PDE3B: variants seen among roughly 807,000 people sequenced by gnomAD.
PDE3B encodes the protein phosphodiesterase 3B.
PDE3B carries 66 observed loss-of-function variants against 116.8 expected under a neutral mutation model. That is an observed-to-expected ratio of 0.56 (90% confidence interval 0.46 to 0.69). PDE3B has a LOEUF of 0.69. Ranked by LOEUF, PDE3B falls within the 30% of genes least tolerant of loss-of-function variation. The pLI is 0.00. For synonymous variants in PDE3B, 595 were observed against 533.6 expected (o/e 1.12, Z -1.59); for missense variants, 1,384 against 1,368.1 (o/e 1.01, Z -0.18).
chr11:14,774,822 C>A (rs1017988532), intron 2 of PDE3B: 32 of 152,240 alleles, frequency 2.1e-4, no homozygotes, highest in African/African-American at 7.0e-4. Context: ...AAAGAACTTA[C>A]ACAACATGGT....
intron 10 of PDE3B, among the ~76,000 whole-genome samples, chr11:14,834,675 C>T (rs1859998250): frequency 1.3e-5 from 2 of 152,162 alleles, no homozygotes; most frequent in Admixed American, 1.3e-4. Flanking sequence ...CTCTGTAATC[C>T]AGACACTACA....
Position 14,648,306 on chromosome 11 carries a change from C to T in PDE3B, c.978+3253C>T, listed in dbSNP as rs375495580. On this transcript the variant is annotated intron_variant, in intron 1 of 15. Transcript: ENST00000282096. ...TGGTTAGGTAAATATTTAAAAATTC[C>T]GTGGCCCTAATGCCCATAAATATTA... 2.8e-4 allele frequency among the ~76,000 whole-genome samples: 43 copies of T among 151,996 alleles called. No individual in the cohort carries two copies. The East Asian group carries it at 7.7e-3, about 27-fold the overall frequency.
At chr11:14,845,806 A>G (rs1000784416) in intron 12 of PDE3B, among the ~76,000 whole-genome samples, 2 of 152,212 alleles carry the variant, frequency 1.3e-5, no homozygotes, top group Non-Finnish European at 2.9e-5. Flanking sequence ...ATAAAAAGAA[A>G]CAAACAAAGC....
chr11:14,663,698 T>C (rs924410600), intron 1 of PDE3B, among the ~76,000 whole-genome samples: 1 of 152,100 alleles, frequency 6.6e-6, no homozygotes, highest in Non-Finnish European at 1.5e-5. Context: ...GGTAAAGGGA[T>C]CAATTCAACA....
rs149467475 is a variant in PDE3B, at chr11:14,737,127, G to A, written c.979-34810G>A. 4.5e-3 allele frequency among the ~76,000 whole-genome samples: 687 copies of A among 151,352 alleles called. 3 individuals carry two copies. Among genetic ancestry groups the A allele is most frequent in the African/African-American group, 0.015 (611 of 41,366 alleles). Reference sequence around the variant, plus strand: ...TTTACATTTGTAAAACATTTAGAACGAAATGTGATACATAAAAAGCACAAT... The same window carrying A: ...TTTACATTTGTAAAACATTTAGAACAAAATGTGATACATAAAAAGCACAAT... On this transcript the variant is annotated intron_variant, in intron 1 of 15. Coordinates refer to ENST00000282096, the MANE Select transcript of PDE3B (RefSeq NM_000922.4).
At chr11:14,886,230 A>G in the PDE3B span, 8 of 314,652 alleles carry the variant, frequency 2.5e-5, no homozygotes, top group East Asian at 6.5e-5. Flanking sequence ...CTCTGAGCAG[A>G]ACACTTAACC....
intron 1 of PDE3B, among the ~76,000 whole-genome samples, chr11:14,649,638 G>C (rs961504392): frequency 1.3e-5 from 2 of 152,212 alleles, no homozygotes; most frequent in African/African-American, 2.4e-5. Flanking sequence ...GAGAGAGTCA[G>C]TTAAGAGGGA....
intron 1 of PDE3B, among the ~76,000 whole-genome samples, chr11:14,645,564 G>A (rs569585818): frequency 6.6e-6 from 1 of 152,170 alleles, no homozygotes; most frequent in Non-Finnish European, 1.5e-5. Context: ...AGATTTTATC[G>A]TTACAAGACA....
the PDE3B span, chr11:14,880,706 A>G: frequency 2.5e-6 from 4 of 1,597,902 alleles, no homozygotes; most frequent in Non-Finnish European, 3.4e-6. Flanking sequence ...AAATATCGAA[A>G]ACTGTTTACA....
At chr11:14,712,511 G>T (rs1855738986) in intron 1 of PDE3B, among the ~76,000 whole-genome samples, 1 of 110,794 alleles carries the variant, frequency 9.0e-6, no homozygotes, top group Non-Finnish European at 1.7e-5. Flanking sequence ...GTCTTGTCCT[G>T]TTGCCTGTGC....
intron 1 of PDE3B, among the ~76,000 whole-genome samples, chr11:14,647,572 A>G (rs1043427530): frequency 1.3e-5 from 2 of 151,992 alleles, no homozygotes; most frequent in African/African-American, 4.8e-5. Flanking sequence ...TTGCTAACCT[A>G]TACTTTCCAA....
At chr11:14,661,766 C>A (rs1853923858) in intron 1 of PDE3B, among the ~76,000 whole-genome samples, 1 of 152,206 alleles carries the variant, frequency 6.6e-6, no homozygotes, top group Non-Finnish European at 1.5e-5. Context: ...GGGCGCCTGC[C>A]ATTTCCGAGG....
At chr11:14,771,358 A>G (rs1178417130) in intron 1 of PDE3B, among the ~76,000 whole-genome samples, 3 of 151,734 alleles carry the variant, frequency 2.0e-5, no homozygotes, top group Non-Finnish European at 4.4e-5. Flanking sequence ...AGGGCAGGAA[A>G]AAAACTAGTC....
intron 1 of PDE3B, among the ~76,000 whole-genome samples, chr11:14,737,447 C>T (rs1052753802): frequency 9.2e-5 from 14 of 151,840 alleles, no homozygotes; most frequent in Non-Finnish European, 1.9e-4. Context: ...ATCCGCCAGC[C>T]TTGGCCTCCC....
chr11:14,745,800 A>T (rs1388825087), intron 1 of PDE3B, among the ~76,000 whole-genome samples: 1 of 152,200 alleles, frequency 6.6e-6, no homozygotes, highest in Non-Finnish European at 1.5e-5. Context: ...CAGGAAAAGG[A>T]AAAGAATTAA....
rs774281970 is a variant in PDE3B at position 14,843,922 on chromosome 11, AT to A, written c.2418del (p.Pro807LeufsTer3). 2 of 1,613,996 alleles carry A rather than the reference AT, an allele frequency of 1.2e-6. No homozygotes were observed. Among genetic ancestry groups the A allele is most frequent in the Non-Finnish European group, 1.7e-6 (2 of 1,179,954 alleles). On this transcript the variant is annotated frameshift_variant, in exon 12 of 16. Coordinates refer to ENST00000282096, the MANE Select transcript of PDE3B (RefSeq NM_000922.4). LOFTEE classifies it high-confidence loss of function. ...GAGTTATGGCTGCCTGTCTTCAAAC[AT>A]TCCTGCATTAGAATTGATGGCTCTA... ...DESYGCLSSN[I>X]PALELMALYV... is the part of the protein sequence containing the mutation.
intron 5 of PDE3B, among the ~76,000 whole-genome samples, chr11:14,808,072 A>AT (rs1302750689): frequency 6.6e-6 from 1 of 152,082 alleles, no homozygotes; most frequent in Non-Finnish European, 1.5e-5. Context: ...AAAAAAAAAA[A>AT]AAAAAGTAAT....
intron 1 of PDE3B, among the ~76,000 whole-genome samples, chr11:14,730,104 G>A (rs117189917): frequency 0.015 from 2,216 of 152,152 alleles, 32 homozygotes; most frequent in Admixed American, 0.032. Flanking sequence ...TGCCCCTCAC[G>A]TTAGCCAATG....
intron 7 of PDE3B, among the ~76,000 whole-genome samples, chr11:14,828,067 G>A (rs1859756331): frequency 6.6e-6 from 1 of 152,076 alleles, no homozygotes; most frequent in African/African-American, 2.4e-5. Flanking sequence ...CCATTAATGG[G>A]GAAAGGACTC....
Sources: allele counts gnomAD v4.1 joint callset (sites outside exome capture counted in the v4.1 genomes callset), GRCh38; gene constraint gnomAD v4.1.1; transcripts MANE v1.5; gene names NCBI Gene and HGNC (gene_info 2026-07-23, HGNC 2026-07-21).